The following LRP1B variants were observed in gnomAD, a reference collection of about 807,000 sequenced individuals.
The protein encoded by LRP1B is low-density lipoprotein receptor-related protein 1B.
Under a neutral mutation model 556.6 loss-of-function variants are expected in LRP1B, and 217 were observed. The observed-to-expected ratio is 0.39, with a 90% confidence interval of 0.35 to 0.44. LRP1B has a LOEUF of 0.44. Among genes scored for constraint, LRP1B ranks in the 20% least tolerant of loss-of-function variants. The pLI, the probability that LRP1B is intolerant of heterozygous loss-of-function variation, is 1.00. For synonymous variants in LRP1B, 2,047 were observed against 1,865.8 expected, an observed-to-expected ratio of 1.10 and a Z score of -2.50; for missense variants, 5,053 against 5,620.8, an observed-to-expected ratio of 0.90 and a Z score of 3.23.
chr2:141,472,496 T>C (rs1263389283), intron 3 of LRP1B, among the ~76,000 whole-genome samples: 1 of 152,086 alleles, frequency 6.6e-6, no homozygotes, highest in Non-Finnish European at 1.5e-5. Flanking sequence ...GCTGAAATTG[T>C]ACCAGTGCAC....
chr2:140,952,649 T>A (rs1363946711), intron 18 of LRP1B, among the ~76,000 whole-genome samples: 1 of 152,074 alleles, frequency 6.6e-6, no homozygotes, highest in East Asian at 1.9e-4. Flanking sequence ...ATAATTAGCA[T>A]AGAAAAAGAG....
intron 2 of LRP1B, among the ~76,000 whole-genome samples, chr2:141,552,631 G>A (rs997934589): frequency 6.6e-6 from 1 of 151,878 alleles, no homozygotes; most frequent in African/African-American, 2.4e-5. Context: ...GCAAATGTAT[G>A]ATTATTATTT....
chr2:140,892,145 T>C (rs1693816997), intron 23 of LRP1B, among the ~76,000 whole-genome samples: 1 of 152,090 alleles, frequency 6.6e-6, no homozygotes, highest in Admixed American at 6.6e-5. Flanking sequence ...TAAAAATCAA[T>C]GAATGAATAA....
intron 66 of LRP1B, among the ~76,000 whole-genome samples, chr2:140,388,565 G>C (rs1002498082): frequency 6.6e-6 from 1 of 152,098 alleles, no homozygotes; most frequent in African/African-American, 2.4e-5. Flanking sequence ...TGAAGAAAGA[G>C]TAATGCAGGA....
At chr2:140,916,520 T>A (rs568126387) in intron 21 of LRP1B, among the ~76,000 whole-genome samples, 1 of 152,330 alleles carries the variant, frequency 6.6e-6, no homozygotes, top group South Asian at 2.1e-4. Flanking sequence ...CAGTTCTCTA[T>A]GCCAGTCAGT....
At chr2:141,822,128 CACAGAGAGAGAG>C (rs1696772952) in intron 1 of LRP1B, among the ~76,000 whole-genome samples, 1 of 117,126 alleles carries the variant, frequency 8.5e-6, no homozygotes, top group Admixed American at 9.3e-5. Context: ...CACACACACA[CACAGAGAGAGAG>C]AGAGAGAGAG....
rs1185397247 is a variant in LRP1B, at chr2:140,598,658, C to T, written c.7167G>A (p.Arg2389=). Reference sequence around the variant, plus strand: ...GTCTCTGGGATCCATCGTATTCACACCTTTCAATTTTTCCTAGACTGCCAT... The same window carrying T: ...GTCTCTGGGATCCATCGTATTCACATCTTTCAATTTTTCCTAGACTGCCAT... ...FSDGSLGKIE[R]CEYDGSQRHV... Residue 2389 remains arginine, a synonymous_variant, in exon 43 of 91, where the codon AGG becomes AGA. Transcript: ENST00000389484. 3 of 1,613,548 alleles carry T rather than the reference C, an allele frequency of 1.9e-6. No individual in the cohort carries two copies. Among genetic ancestry groups the T allele is most frequent in the Middle Eastern group, 3.3e-4 (2 of 6,054 alleles).
At chr2:141,932,568 G>A (rs1242390847) in intron 1 of LRP1B, among the ~76,000 whole-genome samples, 1 of 151,968 alleles carries the variant, frequency 6.6e-6, no homozygotes, top group Admixed American at 6.6e-5. Flanking sequence ...TTGTGTAAGT[G>A]CATTTCATAA....
chr2:141,062,170 C>T lies in LRP1B; in HGVS notation c.1117G>A (p.Ala373Thr), dbSNP rs1281226871. 1.2e-6 allele frequency: 2 copies of T among 1,611,910 alleles called. No individual in the cohort carries two copies. The highest frequency in any genetic ancestry group is 2.7e-5 in the African/African-American group (2 of 74,744). ...RIIDSKTEQPAALALDLVNKL... is the reference protein window; with the variant it reads ...RIIDSKTEQPTALALDLVNKL... ...TTGACTAGGTCTAGTGCCAGTGCAG[C>T]TGGCTGCTCTGTCTTTGAATCAATT... The change falls in exon 8 of 91, where the codon GCT becomes ACT. Residue 373 changes from alanine (A) to threonine (T), a missense_variant. Physicochemically the swap from Ala to Thr is moderately conservative, Grantham distance 58. This residue lies in a region of LRP1B where 3,619 missense variants were observed against 3,931.9 expected (regional missense o/e 0.92). Transcript: ENST00000389484.
chr2:140,589,311 T>C (rs1682121792), intron 43 of LRP1B, among the ~76,000 whole-genome samples: 1 of 152,150 alleles, frequency 6.6e-6, no homozygotes, highest in Non-Finnish European at 1.5e-5. Context: ...AAGTATCATC[T>C]AGAATATATA....
At chr2:140,711,958 T>C (rs935705534) in intron 37 of LRP1B, among the ~76,000 whole-genome samples, 3 of 152,148 alleles carry the variant, frequency 2.0e-5, no homozygotes, top group African/African-American at 7.2e-5. Context: ...AAGGCAAATG[T>C]AAAAATAGTA....
intron 2 of LRP1B, among the ~76,000 whole-genome samples, chr2:141,779,020 T>C (rs2105634038): frequency 6.6e-6 from 1 of 152,342 alleles, no homozygotes; most frequent in Non-Finnish European, 1.5e-5. Flanking sequence ...TGTGGTCTAC[T>C]TAACCATTTA....
In LRP1B at chr2:140,306,367, C is replaced by T. The variant is rs1382378881; in HGVS notation, c.12806-8398G>A. On this transcript the variant is annotated intron_variant, in intron 83 of 90. Transcript: ENST00000389484. ...GTCTATTCAGGGATTCAACTTCTTC[C>T]TGGTTTAGTCTTGGGAGGGTGTAAG... Among the ~76,000 whole-genome samples, 17 of 152,022 alleles carry T rather than the reference C, an allele frequency of 1.1e-4. 1 individual carries two copies. In the South Asian group the frequency reaches 3.5e-3, roughly 32 times the overall value.
At chr2:141,536,880 G>T (rs1685086252) in intron 2 of LRP1B, among the ~76,000 whole-genome samples, 1 of 151,954 alleles carries the variant, frequency 6.6e-6, no homozygotes, top group South Asian at 2.1e-4. Flanking sequence ...ATCTGTGCCA[G>T]AGACCAGGAA....
chr2:140,249,360 G>A (rs1311284238), intron 86 of LRP1B, among the ~76,000 whole-genome samples: 1 of 151,552 alleles, frequency 6.6e-6, no homozygotes, highest in Non-Finnish European at 1.5e-5. Context: ...TATTTAAGTA[G>A]GACAGGTATT....
chr2:140,734,936 C>G (rs1210459143), intron 35 of LRP1B, among the ~76,000 whole-genome samples: 2 of 152,282 alleles, frequency 1.3e-5, no homozygotes, highest in East Asian at 1.9e-4. Flanking sequence ...AGATCTGCCT[C>G]GCAGACAACT....
rs1682320140 is a variant in LRP1B, at chr2:140,358,125, T to C, written c.11258-9A>G. On this transcript the variant is annotated splice_polypyrimidine_tract_variant and intron_variant, in intron 73 of 90. Transcript: ENST00000389484. ...TTTATATGTCAGCTTACCTATAGAG[T>C]CATACAAAAAATGATTAGTGCTTCA... 6.2e-7 allele frequency: 1 copy of C among 1,606,916 alleles called. No homozygotes were observed. The highest frequency in any genetic ancestry group is 1.1e-5 in the South Asian group (1 of 90,546).
At chr2:140,400,026 C>T (rs1213394144) in intron 66 of LRP1B, among the ~76,000 whole-genome samples, 1 of 152,152 alleles carries the variant, frequency 6.6e-6, no homozygotes. Context: ...ACAACAACAT[C>T]TTGAGATGTT....
intron 4 of LRP1B, among the ~76,000 whole-genome samples, chr2:141,252,222 A>T (rs1342169614): frequency 6.7e-6 from 1 of 149,910 alleles, no homozygotes; most frequent in African/African-American, 2.4e-5. Context: ...AAAAAAAGGA[A>T]AGAAAAGAAA....
Sources: allele counts gnomAD v4.1 joint callset (sites outside exome capture counted in the v4.1 genomes callset), GRCh38; gene constraint gnomAD v4.1.1; regional missense constraint gnomAD v4.1.1; transcripts MANE v1.5; gene names NCBI Gene and HGNC (gene_info 2026-07-23, HGNC 2026-07-21).